Variants in FAT3 observed in about 807,000 individuals in gnomAD.
The protein encoded by FAT3 is FAT atypical cadherin 3.
FAT3 carries 95 observed loss-of-function variants against 310.2 expected under a neutral mutation model. The observed-to-expected ratio is 0.31, with a 90% CI of 0.26 to 0.36. The LOEUF is 0.36. Among genes scored for constraint, FAT3 ranks in the 10% least tolerant of loss-of-function variants. FAT3 has a pLI of 1.00. For missense variants in FAT3, 5,408 were observed against 5,715.6 expected (o/e 0.95, Z 1.74); for synonymous variants, 2,314 against 2,192.9 (o/e 1.06, Z -1.54).
chr11:92,320,642 T>G (rs977885044), intron 1 of FAT3, among the ~76,000 whole-genome samples: 5 of 151,500 alleles, frequency 3.3e-5, no homozygotes, highest in African/African-American at 1.2e-4. Context: ...CCAAGGCAGG[T>G]AGGTCACCTG....
At chr11:92,262,123 A>C (rs925116629) in intron 1 of FAT3, among the ~76,000 whole-genome samples, 4 of 152,080 alleles carry the variant, frequency 2.6e-5, no homozygotes, top group Admixed American at 6.6e-5. Context: ...GAGGGATCTG[A>C]AAAGATGGAA....
At chr11:92,442,190 T>C (rs781580524) in intron 2 of FAT3, among the ~76,000 whole-genome samples, 102 of 140,136 alleles carry the variant, frequency 7.3e-4, no homozygotes, top group Non-Finnish European at 1.3e-3. Context: ...CTTGGCTCAC[T>C]ACAAGCTCTG....
chr11:92,401,286 C>T (rs1950007462), intron 2 of FAT3, among the ~76,000 whole-genome samples: 1 of 152,126 alleles, frequency 6.6e-6, no homozygotes, highest in African/African-American at 2.4e-5. Context: ...CCCTGGAACT[C>T]TACCAGGTGC....
intron 8 of FAT3, 90 bp downstream of exon 8, chr11:92,790,308 T>C: frequency 7.5e-7 from 1 of 1,338,138 alleles, no homozygotes; most frequent in Non-Finnish European, 1.0e-6. Context: ...GGCCCCTAAA[T>C]TTTATAAGTA....
intron 2 of FAT3, among the ~76,000 whole-genome samples, chr11:92,475,162 T>C (rs1487104262): frequency 2.0e-5 from 3 of 152,200 alleles, no homozygotes; most frequent in Non-Finnish European, 4.4e-5. Flanking sequence ...AGGGTGGGGA[T>C]TGTGTCTCCT....
intron 2 of FAT3, among the ~76,000 whole-genome samples, chr11:92,475,987 A>G (rs578005440): frequency 1.8e-4 from 28 of 152,272 alleles, no homozygotes; most frequent in Non-Finnish European, 3.8e-4. Flanking sequence ...TTTATGAGAC[A>G]GCTCAAGTGA....
At chr11:92,872,238 C>T (rs1949408494) in intron 22 of FAT3, among the ~76,000 whole-genome samples, 1 of 152,168 alleles carries the variant, frequency 6.6e-6, no homozygotes, top group African/African-American at 2.4e-5. Context: ...AAATTTAGTC[C>T]ATCAAACTTT....
rs907960286 is a variant in FAT3, at chr11:92,582,176, G to A, written c.3607+57228G>A. Reference sequence around the variant, plus strand: ...AGAGGTCACTCTTGTCACCATCTTCGTCTTGGTGGGCTTTGGCTGGCTTCT... The same window carrying A: ...AGAGGTCACTCTTGTCACCATCTTCATCTTGGTGGGCTTTGGCTGGCTTCT... On this transcript the variant is annotated intron_variant, in intron 3 of 27. Transcript: ENST00000525166. Among the ~76,000 whole-genome samples, 24 of 152,014 alleles carry A rather than the reference G, an allele frequency of 1.6e-4. 1 individual carries two copies. The highest frequency in any genetic ancestry group is 1.0e-3 in the South Asian group (5 of 4,804).
At chr11:92,582,148 A>C (rs111737222) in intron 3 of FAT3, among the ~76,000 whole-genome samples, 33 of 151,356 alleles carry the variant, frequency 2.2e-4, no homozygotes, top group Non-Finnish European at 3.8e-4. Flanking sequence ...AGTGAGGACA[A>C]CTAGAGGTCA....
At chr11:92,879,031 T>A (rs1172864717) in intron 22 of FAT3, among the ~76,000 whole-genome samples, 1 of 150,328 alleles carries the variant, frequency 6.7e-6, no homozygotes, top group Non-Finnish European at 1.5e-5. Flanking sequence ...GGCAAAAAGA[T>A]CCTCCAAGAT....
chr11:92,643,472 G>C (rs1377275642), intron 3 of FAT3, among the ~76,000 whole-genome samples: 1 of 152,294 alleles, frequency 6.6e-6, no homozygotes, highest in South Asian at 2.1e-4. Flanking sequence ...GATTCTTACT[G>C]CTGCATAGCT....
At chr11:92,859,977 C>T (rs938096635) in intron 21 of FAT3, among the ~76,000 whole-genome samples, 5 of 152,202 alleles carry the variant, frequency 3.3e-5, no homozygotes, top group African/African-American at 1.2e-4. Context: ...GAGGCAGGTG[C>T]ATCACATGAG....
rs918024636 is a variant in FAT3, at chr11:92,727,712, T to C, written c.3669+30267T>C. On this transcript the variant is annotated intron_variant, in intron 4 of 27. Coordinates refer to ENST00000525166, the MANE Select transcript of FAT3 (RefSeq NM_001367949.2). Reference sequence around the variant, plus strand: ...ATTAATGTCTCCAGTGTTCATCTTGTGCAGGGTCCTTTATGTTTTCCTCAC... The same window carrying C: ...ATTAATGTCTCCAGTGTTCATCTTGCGCAGGGTCCTTTATGTTTTCCTCAC... Among the ~76,000 whole-genome samples, 9 of 152,138 alleles carry C rather than the reference T, an allele frequency of 5.9e-5. No homozygotes were observed. The East Asian group carries it at 1.7e-3, about 29-fold the overall frequency.
intron 3 of FAT3, among the ~76,000 whole-genome samples, chr11:92,553,623 C>T (rs1016577461): frequency 3.3e-5 from 5 of 151,766 alleles, no homozygotes; most frequent in East Asian, 1.9e-4. Context: ...CAGACCTAAA[C>T]TCTAGGGAGC....
At chr11:92,578,492 G>A (rs1216304217) in intron 3 of FAT3, among the ~76,000 whole-genome samples, 1 of 152,036 alleles carries the variant, frequency 6.6e-6, no homozygotes, top group East Asian at 1.9e-4. Context: ...TCTAAGAAGT[G>A]GTAACCTGTG....
In FAT3 at chr11:92,355,016, G is replaced by A. The variant is rs906334235; in HGVS notation, c.2904G>A (p.Gly968=). 3.1e-6 allele frequency: 5 copies of A among 1,613,636 alleles called. No homozygotes were observed. The highest frequency in any genetic ancestry group is 1.3e-5 in the African/African-American group (1 of 74,876). ...LETHDPDLGL[G]GQVRYSLVND... ...CCCATGATCCAGATCTTGGACTGGG[G>A]GGTCAAGTGCGCTATTCTTTGGTCA... The change falls in exon 2 of 28, where the codon GGG becomes GGA. Residue 968 remains glycine, a synonymous_variant. Coordinates refer to ENST00000525166, the MANE Select transcript of FAT3 (RefSeq NM_001367949.2).
At position 92,798,586 on chromosome 11, in the gene FAT3, G is replaced by T. The variant is rs181948462; in HGVS notation, c.5573G>T (p.Ser1858Ile). The stretch of plus-strand genomic sequence containing the variant: ...CATGTGCATGTGAGAGACAGTGGTA[G>T]CCCCCAACTGACTGCAGAGAGTCCC... ...HFHVHVRDSG[S>I]PQLTAESPVE... The change falls in exon 10 of 28, where the codon AGC (serine) becomes ATC (isoleucine). Residue 1858 changes from serine to isoleucine, a missense_variant. Ser to Ile is a moderately radical substitution (Grantham distance 142). Around this residue, in one of 5 missense-constraint regions of FAT3, gnomAD observed 4,588 missense variants for 4,809.8 expected, o/e 0.95. Transcript: ENST00000525166. 4.3e-6 allele frequency: 7 copies of T among 1,613,778 alleles called. No individual in the cohort carries two copies. In the Admixed American group the frequency reaches 1.2e-4, roughly 27 times the overall value.
At chr11:92,770,254 A>C (rs1214588347) in intron 6 of FAT3, among the ~76,000 whole-genome samples, 1 of 152,194 alleles carries the variant, frequency 6.6e-6, no homozygotes, top group African/African-American at 2.4e-5. Context: ...GAAAATAAGA[A>C]GAAGCCTAGA....
chr11:92,611,759 T>C (rs747145711), intron 3 of FAT3, among the ~76,000 whole-genome samples: 7 of 152,124 alleles, frequency 4.6e-5, no homozygotes, highest in South Asian at 4.1e-4. Flanking sequence ...GGAAATCAAA[T>C]TGCAATGATC....
Sources: gnomAD v4.1 joint callset for allele counts (sites outside exome capture counted in the v4.1 genomes callset) on GRCh38, gnomAD v4.1.1 for gene constraint, gnomAD v4.1.1 regional missense constraint, MANE v1.5 for transcripts, NCBI Gene and HGNC (gene_info 2026-07-23, HGNC 2026-07-21) for gene names.